The following SH3KBP1 variants were observed in gnomAD, a reference collection of about 807,000 sequenced individuals.
SH3KBP1 encodes SH3 domain-containing kinase-binding protein 1.
A neutral mutation model predicts 50.1 loss-of-function variants in SH3KBP1; 8 were observed. That is an observed-to-expected ratio of 0.16 (90% CI 0.09 to 0.29). SH3KBP1 has a LOEUF of 0.29. Ranked by LOEUF, SH3KBP1 falls within the 10% of genes least tolerant of loss-of-function variation. SH3KBP1 has a pLI of 1.00. For missense variants in SH3KBP1, 377 were observed against 535.2 expected (o/e 0.70, Z 2.92); for synonymous variants, 227 against 218.6 (o/e 1.04, Z -0.34).
Position 19,844,293 on chromosome X carries a change from T to C in SH3KBP1, c.5-8011A>G, listed in dbSNP as rs187258550. Among the ~76,000 whole-genome samples the C allele has an allele frequency of 1.2e-4, 13 of 111,661 alleles. No individual in the cohort carries two copies. The East Asian group carries it at 3.4e-3, about 29-fold the overall frequency. On this transcript the variant is annotated intron_variant, in intron 1 of 17. Transcript: ENST00000397821. Reference sequence around the variant, plus strand: ...TCCTCGTCTGGTGTCTGGCACAAAGTAGGTGCTCAATAAATGTTGGTGACT... The same window carrying C: ...TCCTCGTCTGGTGTCTGGCACAAAGCAGGTGCTCAATAAATGTTGGTGACT...
rs192642031 is a variant in SH3KBP1, at chrX:19,599,919, G to A, written c.1006-4919C>T. 4.1e-3 allele frequency among the ~76,000 whole-genome samples: 441 copies of A among 108,358 alleles called. 2 individuals are homozygous for A. The highest frequency in any genetic ancestry group is 0.014 in the African/African-American group (416 of 29,711). The allele number at this position is 108,358 out of a possible 115,157, so 94.1% of individuals were successfully genotyped here. A position where few individuals can be genotyped will look rare whatever the true frequency, so the allele number is the denominator to read the frequency against. Reference sequence around the variant, plus strand: ...TCCCAGCACTTTGGGAGGCAGAGGCGGGCAGATCACGAGGTCAGGAGATCG... The same window carrying A: ...TCCCAGCACTTTGGGAGGCAGAGGCAGGCAGATCACGAGGTCAGGAGATCG... On this transcript the variant is annotated intron_variant, in intron 9 of 17. Transcript: ENST00000397821.
chrX:19,854,269 T>C (rs749885260), intron 1 of SH3KBP1, among the ~76,000 whole-genome samples: 3 of 110,269 alleles, frequency 2.7e-5, no homozygotes, highest in South Asian at 8.0e-4. Context: ...GCATGTGCCA[T>C]CACGCCCGGT....
chrX:19,562,552 T>C (rs772989622), intron 13 of SH3KBP1, among the ~76,000 whole-genome samples: 9 of 111,611 alleles, frequency 8.1e-5, no homozygotes, highest in Non-Finnish European at 1.7e-4. Flanking sequence ...CTTAAATCTG[T>C]AGGTACACCC....
intron 11 of SH3KBP1, among the ~76,000 whole-genome samples, chrX:19,589,345 C>T (rs1243020023): frequency 2.7e-5 from 3 of 111,409 alleles, no homozygotes; most frequent in African/African-American, 3.3e-5. Context: ...CAATGGCCCA[C>T]GGGACCTGCT....
intron 2 of SH3KBP1, among the ~76,000 whole-genome samples, chrX:19,835,841 C>A (rs993583033): frequency 2.1e-4 from 23 of 107,719 alleles, no homozygotes; most frequent in Middle Eastern, 4.7e-3. Flanking sequence ...ACCTCAGTCT[C>A]CCAGAATGCT....
At chrX:19,622,919 T>C (rs1412929946) in intron 8 of SH3KBP1, among the ~76,000 whole-genome samples, 1 of 109,931 alleles carries the variant, frequency 9.1e-6, no homozygotes, top group Non-Finnish European at 1.9e-5. Context: ...GGCACAGGCC[T>C]GTAGTCCCAG....
intron 2 of SH3KBP1, among the ~76,000 whole-genome samples, chrX:19,834,004 A>G (rs1245744741): frequency 9.0e-6 from 1 of 111,421 alleles, no homozygotes; most frequent in African/African-American, 3.3e-5. Flanking sequence ...GTGGGGGGAA[A>G]GCCTATATTC....
chrX:19,716,857 CAAG>C (rs1255053294), intron 3 of SH3KBP1, among the ~76,000 whole-genome samples: 2 of 111,090 alleles, frequency 1.8e-5, no homozygotes, highest in Admixed American at 1.9e-4. Context: ...TCCACCAACG[CAAG>C]ATGATACCAG....
At chrX:19,580,612 CA>C (rs2147914953) in intron 12 of SH3KBP1, among the ~76,000 whole-genome samples, 1 of 111,900 alleles carries the variant, frequency 8.9e-6, no homozygotes, top group African/African-American at 3.2e-5. Context: ...GGCCTTAATT[CA>C]GACCTACTGA....
chrX:19,630,039 A>G (rs763869918), intron 8 of SH3KBP1, among the ~76,000 whole-genome samples: 148 of 112,232 alleles, frequency 1.3e-3, no homozygotes, highest in Non-Finnish European at 2.3e-3. Context: ...CAAAATCATC[A>G]AGATGAATGT....
intron 2 of SH3KBP1, among the ~76,000 whole-genome samples, chrX:19,809,101 G>A (rs1455169230): frequency 8.9e-6 from 1 of 111,804 alleles, no homozygotes; most frequent in Non-Finnish European, 1.9e-5. Flanking sequence ...ATAGACTGAG[G>A]TATGTGTACA....
chrX:19,677,941 T>A (rs1367956001), intron 6 of SH3KBP1, among the ~76,000 whole-genome samples: 1 of 111,826 alleles, frequency 8.9e-6, no homozygotes, highest in African/African-American at 3.3e-5. Flanking sequence ...TTAAGAAAAA[T>A]ATACTGGGCG....
chrX:19,842,324 A>G (rs890906529), intron 1 of SH3KBP1, among the ~76,000 whole-genome samples: 8 of 111,797 alleles, frequency 7.2e-5, no homozygotes, highest in South Asian at 3.7e-4. Flanking sequence ...TCAGGAGTTC[A>G]AGACCAGTCT....
Position 19,641,020 on chromosome X carries a change from C to T in SH3KBP1, c.802+4380G>A, listed in dbSNP as rs762154536. 1.3e-4 allele frequency among the ~76,000 whole-genome samples: 15 copies of T among 112,345 alleles called. No individual in the cohort carries two copies. The South Asian group carries it at 5.2e-3, about 39-fold the overall frequency. Reference sequence around the variant, plus strand: ...GCTGTTGAGCCCCTATGCTGCTGTCCGCTCTGACCCTGTGGAGTGTACTTT... The same window carrying T: ...GCTGTTGAGCCCCTATGCTGCTGTCTGCTCTGACCCTGTGGAGTGTACTTT... On this transcript the variant is annotated intron_variant, in intron 7 of 17. Coordinates refer to ENST00000397821, the MANE Select transcript of SH3KBP1 (RefSeq NM_031892.3).
At chrX:19,742,209 T>C (rs56858647) in intron 3 of SH3KBP1, among the ~76,000 whole-genome samples, 2,836 of 110,999 alleles carry the variant, frequency 0.026, 95 homozygotes, top group African/African-American at 0.088. Flanking sequence ...TAAGTGATTC[T>C]CCCACCTCAG....
chrX:19,663,675 G>A (rs780345344), intron 6 of SH3KBP1, among the ~76,000 whole-genome samples: 1 of 112,033 alleles, frequency 8.9e-6, no homozygotes, highest in East Asian at 2.8e-4. Context: ...CAAATTTATA[G>A]GGACTTTCAG....
intron 9 of SH3KBP1, among the ~76,000 whole-genome samples, chrX:19,604,451 T>C (rs1170358310): frequency 8.9e-6 from 1 of 111,812 alleles, no homozygotes; most frequent in East Asian, 2.8e-4. Context: ...CAGAATGCTC[T>C]GCGGATGCCT....
intron 5 of SH3KBP1, among the ~76,000 whole-genome samples, chrX:19,690,956 T>C (rs769356747): frequency 1.8e-5 from 2 of 112,031 alleles, no homozygotes; most frequent in South Asian, 7.4e-4. Context: ...TGGGCTTCAG[T>C]GTTCTCATCT....
chrX:19,753,295 G>A (rs949099311), intron 2 of SH3KBP1, among the ~76,000 whole-genome samples: 5 of 112,118 alleles, frequency 4.5e-5, no homozygotes, highest in Non-Finnish European at 9.4e-5. Flanking sequence ...AGACCCAGAC[G>A]TGGCTGCAGG....
Sources: allele counts gnomAD v4.1 joint callset (sites outside exome capture counted in the v4.1 genomes callset), GRCh38; gene constraint gnomAD v4.1.1; transcripts MANE v1.5; gene names NCBI Gene and HGNC (gene_info 2026-07-23, HGNC 2026-07-21).